The following DPP10 variants were observed in gnomAD, a reference collection of about 807,000 sequenced individuals.
The protein encoded by DPP10 is dipeptidyl peptidase like 10, also known as inactive dipeptidyl peptidase 10.
In DPP10, 33 loss-of-function variants were observed where a neutral mutation model predicts 120.9. That is an observed-to-expected ratio of 0.27 (90% CI 0.21 to 0.37). The LOEUF is 0.37. Ranked by LOEUF, DPP10 falls within the 10% of genes least tolerant of loss-of-function variation. DPP10 has a pLI of 1.00. For synonymous variants in DPP10, 337 were observed against 326.1 expected (o/e 1.03, Z -0.36); for missense variants, 816 against 942.8 (o/e 0.87, Z 1.76).
intron 1 of DPP10, among the ~76,000 whole-genome samples, chr2:115,279,438 T>C (rs2060050535): frequency 6.6e-6 from 1 of 152,116 alleles, no homozygotes; most frequent in African/African-American, 2.4e-5. Flanking sequence ...GGCAGGTCCA[T>C]GAACTGCTTG....
At chr2:115,399,720 A>C (rs1369476711) in intron 3 of DPP10, among the ~76,000 whole-genome samples, 1 of 152,140 alleles carries the variant, frequency 6.6e-6, no homozygotes, top group African/African-American at 2.4e-5. Flanking sequence ...AGAGGAAGGA[A>C]AATTTTTATT....
intron 1 of DPP10, among the ~76,000 whole-genome samples, chr2:115,016,541 A>C (rs1324179000): frequency 6.6e-6 from 1 of 152,218 alleles, no homozygotes. Flanking sequence ...GTACAGCAAA[A>C]GAAACTATCA....
chr2:115,372,042 G>A (rs909502250), intron 3 of DPP10, among the ~76,000 whole-genome samples: 5 of 152,012 alleles, frequency 3.3e-5, no homozygotes, highest in African/African-American at 1.2e-4. Context: ...TCTATGTAAT[G>A]TAACAAGTCT....
At chr2:114,651,614 C>T (rs369646228) in intron 1 of DPP10, among the ~76,000 whole-genome samples, 1 of 152,094 alleles carries the variant, frequency 6.6e-6, no homozygotes, top group Non-Finnish European at 1.5e-5. Flanking sequence ...AAACTGGTTG[C>T]ATGTTAAAAT....
At chr2:115,186,597 G>A (rs1196368822) in intron 1 of DPP10, among the ~76,000 whole-genome samples, 19 of 152,204 alleles carry the variant, frequency 1.2e-4, no homozygotes, top group South Asian at 2.1e-4. Context: ...GGGAAGGATG[G>A]AAGGTGGTCA....
intron 1 of DPP10, among the ~76,000 whole-genome samples, chr2:115,099,710 C>A (rs2048586553): frequency 6.6e-6 from 1 of 152,186 alleles, no homozygotes; most frequent in African/African-American, 2.4e-5. Flanking sequence ...AATGGTCCCT[C>A]ATGTAGAGTG....
chr2:115,489,241 T>A (rs1400495212), intron 3 of DPP10, among the ~76,000 whole-genome samples: 1 of 151,824 alleles, frequency 6.6e-6, no homozygotes, highest in Non-Finnish European at 1.5e-5. Context: ...CTGTGTTCTT[T>A]ACAAAAACAG....
intron 1 of DPP10, among the ~76,000 whole-genome samples, chr2:115,133,280 A>G (rs1282801787): frequency 6.7e-6 from 1 of 149,042 alleles, no homozygotes; most frequent in Non-Finnish European, 1.5e-5. Context: ...CTGGGTGACA[A>G]GAGCAAAACT....
At chr2:114,676,584 G>C (rs1573945191) in intron 1 of DPP10, among the ~76,000 whole-genome samples, 1 of 151,954 alleles carries the variant, frequency 6.6e-6, no homozygotes, top group African/African-American at 2.4e-5. Flanking sequence ...CTAAAACTTG[G>C]TTGTGCATTC....
intron 1 of DPP10, among the ~76,000 whole-genome samples, chr2:115,058,834 G>A (rs1256462174): frequency 6.6e-6 from 1 of 151,946 alleles, no homozygotes; most frequent in Non-Finnish European, 1.5e-5. Flanking sequence ...CACAGCCTTG[G>A]TCTTCATCTT....
intron 13 of DPP10, among the ~76,000 whole-genome samples, chr2:115,769,625 C>A (rs1463597884): frequency 6.6e-6 from 1 of 151,710 alleles, no homozygotes; most frequent in Non-Finnish European, 1.5e-5. Flanking sequence ...ATAATGTGAT[C>A]CTATTTATGC....
intron 1 of DPP10, among the ~76,000 whole-genome samples, chr2:114,551,182 A>C (rs1224269360): frequency 6.6e-6 from 1 of 152,132 alleles, no homozygotes; most frequent in African/African-American, 2.4e-5. Flanking sequence ...CACAATTATA[A>C]AAATTCAAAT....
At chr2:115,651,679 T>C (rs572727846) in intron 5 of DPP10, among the ~76,000 whole-genome samples, 2 of 152,006 alleles carry the variant, frequency 1.3e-5, no homozygotes, top group Non-Finnish European at 2.9e-5. Flanking sequence ...CTGTCAGCTT[T>C]GATCATACCA....
intron 1 of DPP10, among the ~76,000 whole-genome samples, chr2:114,630,246 T>A (rs1694821615): frequency 6.6e-6 from 1 of 152,162 alleles, no homozygotes. Context: ...CAAGAAATTA[T>A]ACTATTTCAA....
chr2:114,996,703 G>A (rs1701106306), intron 1 of DPP10, among the ~76,000 whole-genome samples: 1 of 152,114 alleles, frequency 6.6e-6, no homozygotes, highest in African/African-American at 2.4e-5. Context: ...ATTTTGATTT[G>A]CTGGGTGTGG....
chr2:114,983,966 C>T (rs758150919), intron 1 of DPP10, among the ~76,000 whole-genome samples: 3 of 152,266 alleles, frequency 2.0e-5, no homozygotes, highest in African/African-American at 4.8e-5. Flanking sequence ...ACTCTTACAC[C>T]GCCTCTCCAT....
chr2:115,124,302 TTCCAAAATTATTGACATAGCTCC>T (rs1446315612), intron 1 of DPP10, among the ~76,000 whole-genome samples: 1 of 152,172 alleles, frequency 6.6e-6, no homozygotes, highest in Non-Finnish European at 1.5e-5. Context: ...TTGGAATAAA[TTCCAAAATTATTGACATAGCTCC>T]ACGTGAGCAT....
At chr2:114,958,242 GTGGTTGAAGTA>G (rs1698354048) in intron 1 of DPP10, among the ~76,000 whole-genome samples, 1 of 152,220 alleles carries the variant, frequency 6.6e-6, no homozygotes, top group Non-Finnish European at 1.5e-5. Context: ...CAGTGTATGA[GTGGTTGAAGTA>G]TGGCTGATGG....
At chr2:115,727,498 G>C (rs2092794059) in intron 7 of DPP10, among the ~76,000 whole-genome samples, 1 of 152,074 alleles carries the variant, frequency 6.6e-6, no homozygotes, top group South Asian at 2.1e-4. Context: ...TAAGCAAAAT[G>C]TTATCTCAAA....
Sources: allele counts gnomAD v4.1 joint callset (sites outside exome capture counted in the v4.1 genomes callset), GRCh38; gene constraint gnomAD v4.1.1; transcripts MANE v1.5; gene names NCBI Gene and HGNC (gene_info 2026-07-23, HGNC 2026-07-21).